Variants in SLC25A19 observed in about 807,000 individuals in gnomAD.
The protein encoded by SLC25A19 is solute carrier family 25 member 19.
SLC25A19 carries 18 observed loss-of-function variants against 27.9 expected under a neutral mutation model. The ratio of observed to expected loss-of-function variants is 0.64; its 90% confidence interval spans 0.45 to 0.96. The LOEUF (loss-of-function observed/expected upper bound fraction) is 0.96. Among genes scored for constraint, SLC25A19 ranks in the 40% least tolerant of loss-of-function variants. SLC25A19 has a pLI of 0.00. For synonymous variants in SLC25A19, 169 were observed against 167.1 expected, an observed-to-expected ratio of 1.01 and a Z score of -0.09; for missense variants, 371 against 418.3, an observed-to-expected ratio of 0.89 and a Z score of 0.99.
At chr17:75,282,131 T>C (rs4788881) in intron 5 of SLC25A19, among the ~76,000 whole-genome samples, 134,086 of 152,122 alleles carry the variant, frequency 0.88, 61,042 homozygotes, top group Non-Finnish European at 1. Context: ...CAGCCAGGTG[T>C]AGTCTCAGCT....
At chr17:75,276,302 C>CAT (rs945053683) in intron 7 of SLC25A19, among the ~76,000 whole-genome samples, 2 of 152,040 alleles carry the variant, frequency 1.3e-5, no homozygotes, top group Non-Finnish European at 2.9e-5. Context: ...CAAAAAAATA[C>CAT]ATATATATAT....
At chr17:75,274,973 C>CTTTTTTTTTTTTTTTTTT (rs67040059) in intron 7 of SLC25A19, among the ~76,000 whole-genome samples, 2 of 47,174 alleles carry the variant, frequency 4.2e-5, no homozygotes, top group Non-Finnish European at 7.3e-5. Context: ...GGATTTTGGT[C>CTTTTTTTTTTTTTTTTTT]TTTTTTTTTT....
intron 5 of SLC25A19, 126 bp from the exon 6 acceptor site, chr17:75,278,461 G>T: frequency 9.7e-7 from 1 of 1,031,000 alleles, no homozygotes; most frequent in Non-Finnish European, 1.5e-6. Context: ...CTGCCAGGAA[G>T]ACAGTCAAGG....
chr17:75,276,840 A>G (rs1240340869), intron 7 of SLC25A19, among the ~76,000 whole-genome samples: 3 of 100,168 alleles, frequency 3.0e-5, no homozygotes, highest in Non-Finnish European at 6.6e-5. Context: ...ACGCCCGGCT[A>G]ATTTTTTTGT....
At chr17:75,287,055 A>T in intron 2 of SLC25A19, 1 of 378,804 alleles carries the variant, frequency 2.6e-6, no homozygotes, top group Non-Finnish European at 5.1e-6. Flanking sequence ...ACAAAAATTT[A>T]AAAATAAAAT....
At chr17:75,283,874 G>C (rs1466031319) in intron 4 of SLC25A19, among the ~76,000 whole-genome samples, 1 of 152,220 alleles carries the variant, frequency 6.6e-6, no homozygotes, top group African/African-American at 2.4e-5. Context: ...CCAGCACTCT[G>C]GGGGGCCGAG....
intron 5 of SLC25A19, among the ~76,000 whole-genome samples, chr17:75,279,231 G>A (rs1598184111): frequency 6.6e-6 from 1 of 151,914 alleles, no homozygotes; most frequent in Admixed American, 6.6e-5. Context: ...GTCGCCTCTG[G>A]GGATCGGAAT....
intron 5 of SLC25A19, among the ~76,000 whole-genome samples, chr17:75,280,689 T>C (rs1355959370): frequency 1.3e-5 from 2 of 151,766 alleles, no homozygotes; most frequent in Non-Finnish European, 2.9e-5. Flanking sequence ...GGTGGGCGCC[T>C]GTAATCCCAA....
intron 5 of SLC25A19, among the ~76,000 whole-genome samples, chr17:75,282,648 G>T (rs999234439): frequency 1.3e-5 from 2 of 152,032 alleles, no homozygotes; most frequent in African/African-American, 4.8e-5. Context: ...GAGGTCAGGA[G>T]ATCGAGACCA....
At chr17:75,278,988 CATAAATAA>C (rs77182978) in intron 5 of SLC25A19, among the ~76,000 whole-genome samples, 15,656 of 146,702 alleles carry the variant, frequency 0.11, 2,372 homozygotes, top group African/African-American at 0.33. Flanking sequence ...GTCTCAAAAA[CATAAATAA>C]ATAAATAAAT....
At chr17:75,278,465 G>GTT in intron 5 of SLC25A19, 130 bp from the exon 6 acceptor site, 1 of 1,002,520 alleles carries the variant, frequency 1.0e-6, no homozygotes, top group Non-Finnish European at 1.5e-6. Context: ...CAGGAAGACA[G>GTT]TCAAGGGAAA....
chr17:75,276,900 G>A (rs1319428221), intron 7 of SLC25A19, among the ~76,000 whole-genome samples: 1 of 146,590 alleles, frequency 6.8e-6, no homozygotes, highest in African/African-American at 2.5e-5. Context: ...ATCCAGGATG[G>A]TCTCGATCTC....
At position 75,283,539 on chromosome 17, in the gene SLC25A19, C is replaced by A. The variant is rs371531040; in HGVS notation, c.343G>T (p.Ala115Ser). 2 of 1,613,708 alleles carry A rather than the reference C, an allele frequency of 1.2e-6. No homozygotes were observed. Among genetic ancestry groups the A allele is most frequent in the South Asian group, 1.1e-5 (1 of 90,998 alleles). The change falls in exon 5 of 8, where the codon GCC becomes TCC. Residue 115 changes from alanine (A) to serine (S), a missense_variant. Ala to Ser is a moderately conservative substitution (Grantham distance 99). Transcript: ENST00000416858. ...ACAAAGTGCACTGAGAATTCCCGGG[C>A]GTCATACACGCTGCCTCTGTGGACC... ...ELVHRGSVYD[A>S]REFSVHFVCG...
At chr17:75,273,691 C>T in intron 7 of SLC25A19, 52 bp from the exon 8 acceptor site, 2 of 1,525,698 alleles carry the variant, frequency 1.3e-6, no homozygotes, top group Non-Finnish European at 1.8e-6. Context: ...CTCCCATCAA[C>T]ACAGCCCCTG....
chr17:75,287,112 C>T (rs988150082), intron 2 of SLC25A19: 10 of 292,072 alleles, frequency 3.4e-5, no homozygotes, highest in Middle Eastern at 1.2e-3. Flanking sequence ...ATTACTATGG[C>T]ATATTTGTTT....
At chr17:75,283,071 G>T (rs1001756937) in intron 5 of SLC25A19, among the ~76,000 whole-genome samples, 1 of 150,800 alleles carries the variant, frequency 6.6e-6, no homozygotes, top group Non-Finnish European at 1.5e-5. Context: ...AGGCCGAGGC[G>T]GGCGGATCGT....
At chr17:75,280,617 AGCCTGGCCAACATGGCAAAACCCC>A (rs2078014840) in intron 5 of SLC25A19, among the ~76,000 whole-genome samples, 1 of 152,110 alleles carries the variant, frequency 6.6e-6, no homozygotes, top group East Asian at 1.9e-4. Flanking sequence ...GTTCAAGACC[AGCCTGGCCAACATGGCAAAACCCC>A]GTCTCTACTA....
rs776356552 is a variant in SLC25A19, at chr17:75,284,633, C to CATTTTTTTTTTTTTTTT, written c.289-1041_289-1040insAAAAAAAAAAAAAAAAT. On this transcript the variant is annotated intron_variant, in intron 4 of 7. Coordinates refer to ENST00000416858, the MANE Select transcript of SLC25A19 (RefSeq NM_001126121.2). ...GTGACCCCCTTACATTCAGATCTTT[C>CATTTTTTTTTTTTTTTT]TTTTTTTTTTTTTTTTTTTTTTTTT... Among the ~76,000 whole-genome samples, 3 of 112,292 alleles carry CATTTTTTTTTTTTTTTT rather than the reference C, an allele frequency of 2.7e-5. 1 individual carries two copies. 73.7% of individuals were successfully genotyped at this position (112,292 alleles called of 152,430 possible).
intron 7 of SLC25A19, among the ~76,000 whole-genome samples, chr17:75,275,995 T>C (rs1474620354): frequency 6.7e-6 from 1 of 148,538 alleles, no homozygotes; most frequent in Non-Finnish European, 1.5e-5. Flanking sequence ...TATATATGGC[T>C]GGGCACAGTG....
Sources: allele counts gnomAD v4.1 joint callset (sites outside exome capture counted in the v4.1 genomes callset), GRCh38; gene constraint gnomAD v4.1.1; transcripts MANE v1.5; gene names NCBI Gene and HGNC (gene_info 2026-07-23, HGNC 2026-07-21).